The following NRG3 variants were observed in gnomAD, a reference collection of about 807,000 sequenced individuals.
NRG3 encodes the protein neuregulin 3, also known as pro-neuregulin-3, membrane-bound isoform.
Under a neutral mutation model 66.9 loss-of-function variants are expected in NRG3, and 31 were observed. The ratio of observed to expected loss-of-function variants is 0.46; its 90% CI spans 0.35 to 0.63. NRG3 has a LOEUF of 0.63. Among genes scored for constraint, NRG3 ranks in the 20% least tolerant of loss-of-function variants. The pLI is 0.00. For missense variants in NRG3, 910 were observed against 878.9 expected, an observed-to-expected ratio of 1.04 and a Z score of -0.45; for synonymous variants, 393 against 359.4, an observed-to-expected ratio of 1.09 and a Z score of -1.06.
At chr10:82,599,474 A>G (rs1306111479) in intron 2 of NRG3, among the ~76,000 whole-genome samples, 2 of 152,198 alleles carry the variant, frequency 1.3e-5, no homozygotes, top group Non-Finnish European at 2.9e-5. Flanking sequence ...CATTAGGTAC[A>G]AAGGCAGTAG....
At position 82,625,508 on chromosome 10, in the gene NRG3, G is replaced by A. The variant is rs554741009; in HGVS notation, c.954-113069G>A. Among the ~76,000 whole-genome samples, 6 of 152,288 alleles carry A rather than the reference G, an allele frequency of 3.9e-5. No individual in the cohort carries two copies. The South Asian group carries it at 1.2e-3, about 32-fold the overall frequency. Reference sequence around the variant, plus strand: ...AACATGATATTATAGCCTTGGAAGTGAGAATCAGGTATGAAGCAATCCTTC... The same window carrying A: ...AACATGATATTATAGCCTTGGAAGTAAGAATCAGGTATGAAGCAATCCTTC... On this transcript the variant is annotated intron_variant, in intron 2 of 8. Transcript: ENST00000372141.
At chr10:82,139,889 T>G (rs1335781635) in intron 1 of NRG3, among the ~76,000 whole-genome samples, 1 of 133,834 alleles carries the variant, frequency 7.5e-6, no homozygotes, top group Non-Finnish European at 1.6e-5. Flanking sequence ...TTTCATATAT[T>G]TGTATTTAGA....
At position 82,470,980 on chromosome 10, in the gene NRG3, C is replaced by CT. The variant is rs759566760; in HGVS notation, c.953+112118dup. 5.3e-5 allele frequency among the ~76,000 whole-genome samples: 8 copies of CT among 152,232 alleles called. No homozygotes were observed. In the East Asian group the frequency reaches 5.8e-4, roughly 11 times the overall value. On this transcript the variant is annotated intron_variant, in intron 2 of 8. Coordinates refer to ENST00000372141, the MANE Select transcript of NRG3 (RefSeq NM_001010848.4). ...GGGGCCTGGTTCTGCGGCTGTCTTT[C>CT]TTTTTTGATGGTCCCTGCACCTCTC...
intron 2 of NRG3, among the ~76,000 whole-genome samples, chr10:82,388,950 G>T (rs754499624): frequency 3.9e-5 from 6 of 152,146 alleles, no homozygotes; most frequent in African/African-American, 1.4e-4. Flanking sequence ...CCGGGAATCT[G>T]CATTTTACAA....
At position 82,364,627 on chromosome 10, in the gene NRG3, C is replaced by A. The variant is rs867024723; in HGVS notation, c.953+5759C>A. 1.2e-4 allele frequency among the ~76,000 whole-genome samples: 18 copies of A among 152,212 alleles called. 1 individual carries two copies. The Middle Eastern group carries it at 0.014, about 115-fold the overall frequency. On this transcript the variant is annotated intron_variant, in intron 2 of 8. Coordinates refer to ENST00000372141, the MANE Select transcript of NRG3 (RefSeq NM_001010848.4). ...ACCAAATGTGTTTTAAGACCAAATT[C>A]AAGTAAAAAGGATGTGTCTCTTCTG...
intron 4 of NRG3, among the ~76,000 whole-genome samples, chr10:82,886,087 A>G (rs906753867): frequency 2.0e-5 from 3 of 152,118 alleles, no homozygotes; most frequent in African/African-American, 7.2e-5. Flanking sequence ...GCTGGTCTCG[A>G]GGTCCTGACC....
rs2051074394 is a variant in NRG3, at chr10:82,647,865, T to C, written c.954-90712T>C. Among the ~76,000 whole-genome samples the C allele has an allele frequency of 2.0e-5, 3 of 150,114 alleles. No individual in the cohort carries two copies. The South Asian group carries it at 6.4e-4, about 32-fold the overall frequency. ...TTGATGGGGTTGTTTGTTTTTTTCTTGTAAATTTGTTTGAGTTCATTGTAG... is the reference window on the plus strand; with the variant it reads ...TTGATGGGGTTGTTTGTTTTTTTCTCGTAAATTTGTTTGAGTTCATTGTAG... On this transcript the variant is annotated intron_variant, in intron 2 of 8. Transcript: ENST00000372141.
At chr10:82,317,697 G>A (rs1258951914) in intron 1 of NRG3, among the ~76,000 whole-genome samples, 1 of 152,186 alleles carries the variant, frequency 6.6e-6, no homozygotes, top group East Asian at 1.9e-4. Flanking sequence ...GGTGGTTTAT[G>A]TTCTTAGAGC....
At chr10:82,917,417 C>T (rs1023889894) in intron 4 of NRG3, among the ~76,000 whole-genome samples, 3 of 152,194 alleles carry the variant, frequency 2.0e-5, no homozygotes, top group Non-Finnish European at 4.4e-5. Flanking sequence ...CCACACAAGT[C>T]GGGCTTTCAT....
At chr10:82,036,214 G>T (rs578216968) in intron 1 of NRG3, among the ~76,000 whole-genome samples, 1 of 151,996 alleles carries the variant, frequency 6.6e-6, no homozygotes, top group African/African-American at 2.4e-5. Flanking sequence ...AACCTAAAGG[G>T]TCGACTTATA....
intron 2 of NRG3, among the ~76,000 whole-genome samples, chr10:82,729,745 G>T (rs1297739047): frequency 6.6e-6 from 1 of 152,164 alleles, no homozygotes; most frequent in East Asian, 1.9e-4. Flanking sequence ...TGATGTGAAT[G>T]GGTTGCTGTT....
rs1555028704 is a variant in NRG3 at position 82,761,922 on chromosome 10, C to CTT, written c.1027+23273_1027+23274insTT. On this transcript the variant is annotated intron_variant, in intron 3 of 8. Coordinates refer to ENST00000372141, the MANE Select transcript of NRG3 (RefSeq NM_001010848.4). ...TCCGTTCTTTCTTCTTTCTTTCTTT[C>CTT]TCTTTCTTTCTTTCTTTCTTTCTTT... is the stretch of plus-strand genomic sequence containing the variant. Among the ~76,000 whole-genome samples, 737 of 123,846 alleles carry CTT rather than the reference C, an allele frequency of 6.0e-3. 11 individuals carry two copies. Among genetic ancestry groups the CTT allele is most frequent in the Middle Eastern group, 0.017 (3 of 180 alleles). The allele number at this position is 123,846 out of a possible 152,430, so 81.2% of individuals were successfully genotyped here.
intron 2 of NRG3, among the ~76,000 whole-genome samples, chr10:82,408,143 G>GAAAGAA (rs1554911339): frequency 2.0e-4 from 28 of 139,122 alleles, no homozygotes; most frequent in African/African-American, 6.8e-4. Flanking sequence ...AAGAAAGAAA[G>GAAAGAA]AAAAGAAAAA....
Position 82,500,985 on chromosome 10 carries a change from G to A in NRG3, c.953+142117G>A, listed in dbSNP as rs180900480. ...TTGGGGGTATAATGTCGTTAAATAA[G>A]ATAGGGAAAAGAATATGCTGAACTT... On this transcript the variant is annotated intron_variant, in intron 2 of 8. Transcript: ENST00000372141. Among the ~76,000 whole-genome samples, 58 of 152,116 alleles carry A rather than the reference G, an allele frequency of 3.8e-4. No homozygotes were observed. In the South Asian group the frequency reaches 5.6e-3, roughly 15 times the overall value.
At chr10:82,088,106 G>T (rs2065830570) in intron 1 of NRG3, among the ~76,000 whole-genome samples, 1 of 152,138 alleles carries the variant, frequency 6.6e-6, no homozygotes, top group African/African-American at 2.4e-5. Flanking sequence ...CTACTTCCCT[G>T]TAGGATGTAG....
intron 2 of NRG3, among the ~76,000 whole-genome samples, chr10:82,492,891 G>A (rs184808263): frequency 1.6e-4 from 25 of 152,206 alleles, no homozygotes; most frequent in East Asian, 1.4e-3. Context: ...GTTGGCCCAG[G>A]GTCCATGTAA....
intron 1 of NRG3, among the ~76,000 whole-genome samples, chr10:82,312,152 ATTTTC>A (rs1052254588): frequency 6.6e-6 from 1 of 152,122 alleles, no homozygotes; most frequent in African/African-American, 2.4e-5. Context: ...AAGCAAGGGT[ATTTTC>A]TTCTTTATTT....
intron 3 of NRG3, among the ~76,000 whole-genome samples, chr10:82,811,295 C>T (rs2061484360): frequency 6.6e-6 from 1 of 152,176 alleles, no homozygotes; most frequent in African/African-American, 2.4e-5. Flanking sequence ...TGTTCACTGC[C>T]ATATCACCAG....
intron 1 of NRG3, among the ~76,000 whole-genome samples, chr10:81,948,367 G>A (rs1589561473): frequency 6.6e-6 from 1 of 152,054 alleles, no homozygotes; most frequent in Non-Finnish European, 1.5e-5. Context: ...AGAAAAAAAT[G>A]CATAGGTTGT....
Sources: gnomAD v4.1 joint callset for allele counts (sites outside exome capture counted in the v4.1 genomes callset) on GRCh38, gnomAD v4.1.1 for gene constraint, MANE v1.5 for transcripts, NCBI Gene and HGNC (gene_info 2026-07-23, HGNC 2026-07-21) for gene names.